SSBP2: variants seen among roughly 807,000 people sequenced by gnomAD.
SSBP2 encodes single stranded DNA binding protein 2.
A neutral mutation model predicts 61.8 loss-of-function variants in SSBP2; 17 were observed. The observed-to-expected ratio is 0.28, with a 90% CI of 0.19 to 0.41. SSBP2 has a LOEUF of 0.41. Ranked by LOEUF, SSBP2 falls within the 10% of genes least tolerant of loss-of-function variation. SSBP2 has a pLI of 1.00. For missense variants in SSBP2, 310 were observed against 458.7 expected (o/e 0.68, Z 2.96); for synonymous variants, 139 against 141.3 (o/e 0.98, Z 0.12).
At chr5:81,719,057 C>G (rs567228679) in intron 1 of SSBP2, among the ~76,000 whole-genome samples, 74 of 152,234 alleles carry the variant, frequency 4.9e-4, no homozygotes, top group African/African-American at 1.8e-3. Context: ...TAGAATTATA[C>G]AGTATCACTC....
chr5:81,444,439 C>G (rs1022163916), intron 12 of SSBP2, among the ~76,000 whole-genome samples: 1 of 152,120 alleles, frequency 6.6e-6, no homozygotes, highest in African/African-American at 2.4e-5. Context: ...ATGAGTGCTC[C>G]CCTCCCACTG....
At chr5:81,640,873 A>G (rs1343116525) in intron 2 of SSBP2, among the ~76,000 whole-genome samples, 1 of 152,188 alleles carries the variant, frequency 6.6e-6, no homozygotes, top group Non-Finnish European at 1.5e-5. Context: ...AGAACATAAG[A>G]ATAAATAAAC....
In SSBP2 at chr5:81,421,367, A is replaced by AT. The variant is rs546358433; in HGVS notation, c.1057-835dup. Among the ~76,000 whole-genome samples the AT allele has an allele frequency of 3.0e-4, 46 of 152,066 alleles. No individual in the cohort carries two copies. In the East Asian group the frequency reaches 8.5e-3, roughly 28 times the overall value. ...GCCACCATGCATGGCTAATTTTTGT[A>AT]TTTTTTGTAGAGATGGGGTTTCACC... On this transcript the variant is annotated intron_variant, in intron 16 of 16. Transcript: ENST00000320672.
chr5:81,456,698 T>A (rs570361867), intron 10 of SSBP2, among the ~76,000 whole-genome samples: 1 of 152,256 alleles, frequency 6.6e-6, no homozygotes, highest in South Asian at 2.1e-4. Context: ...AAATTAAAAA[T>A]TAAAATCGTA....
intron 1 of SSBP2, among the ~76,000 whole-genome samples, chr5:81,730,875 C>A (rs1561738030): frequency 6.6e-6 from 1 of 152,142 alleles, no homozygotes; most frequent in Non-Finnish European, 1.5e-5. Flanking sequence ...ATATTCTTCA[C>A]TAAAAACGTA....
At chr5:81,714,895 C>G (rs1342467348) in intron 1 of SSBP2, among the ~76,000 whole-genome samples, 2 of 151,978 alleles carry the variant, frequency 1.3e-5, no homozygotes, top group Non-Finnish European at 2.9e-5. Context: ...GGGATCTAAT[C>G]AAACTAAAGA....
intron 4 of SSBP2, among the ~76,000 whole-genome samples, chr5:81,514,499 T>A (rs111787369): frequency 2.6e-5 from 4 of 152,104 alleles, no homozygotes; most frequent in Non-Finnish European, 5.9e-5. Context: ...CAGTTATACA[T>A]ACAACTGTTC....
intron 4 of SSBP2, among the ~76,000 whole-genome samples, chr5:81,574,515 G>GA (rs1288552345): frequency 9.9e-5 from 15 of 151,962 alleles, no homozygotes; most frequent in African/African-American, 3.1e-4. Flanking sequence ...TATAATATTT[G>GA]AAGACATAAT....
intron 4 of SSBP2, among the ~76,000 whole-genome samples, chr5:81,602,229 A>G (rs1447553454): frequency 6.6e-6 from 1 of 152,130 alleles, no homozygotes; most frequent in Non-Finnish European, 1.5e-5. Context: ...CCTCTTTTCA[A>G]TGTGTGTTGT....
In SSBP2 at chr5:81,418,306, G is replaced by C. The variant is rs970182498; in HGVS notation, c.*2198C>G. Reference sequence around the variant, plus strand: ...GCTTGACAGCATGAGGCTGTTCTCCGGTGTGCACTCCTAGGCACCTGAATA... The same window carrying C: ...GCTTGACAGCATGAGGCTGTTCTCCCGTGTGCACTCCTAGGCACCTGAATA... On this transcript the variant is annotated 3_prime_UTR_variant, in exon 17 of 17. Transcript: ENST00000320672. 6.6e-6 allele frequency: 1 copy of C among 152,196 alleles called. No individual in the cohort carries two copies. The highest frequency in any genetic ancestry group is 1.5e-5 in the Non-Finnish European group (1 of 68,026). The allele number at this position is 152,196 out of a possible 1,614,324, so 9.4% of individuals were successfully genotyped here. A position where few individuals can be genotyped will look rare whatever the true frequency, so the allele number is the denominator to read the frequency against.
In SSBP2 at chr5:81,452,168, A is replaced by T. The variant is rs75574168; in HGVS notation, c.688-3343T>A. On this transcript the variant is annotated intron_variant, in intron 10 of 16. Coordinates refer to ENST00000320672, the MANE Select transcript of SSBP2 (RefSeq NM_012446.5). Reference sequence around the variant, plus strand: ...ATATAGCTGCTATAGTGTGGGGCTTATAGGGGGTTGTGGTAAAGGGTGAGG... The same window carrying T: ...ATATAGCTGCTATAGTGTGGGGCTTTTAGGGGGTTGTGGTAAAGGGTGAGG... 9.1e-3 allele frequency among the ~76,000 whole-genome samples: 1,383 copies of T among 152,320 alleles called. 20 individuals carry two copies. The highest frequency in any genetic ancestry group is 0.031 in the African/African-American group (1,302 of 41,572).
At chr5:81,494,394 G>T (rs1009438951) in intron 5 of SSBP2, among the ~76,000 whole-genome samples, 4 of 152,188 alleles carry the variant, frequency 2.6e-5, no homozygotes, top group African/African-American at 9.7e-5. Flanking sequence ...GCTACGGACT[G>T]AATGTTTATG....
intron 2 of SSBP2, among the ~76,000 whole-genome samples, chr5:81,646,107 T>C (rs760279997): frequency 6.6e-6 from 1 of 152,242 alleles, no homozygotes. Flanking sequence ...GTTCAGATAA[T>C]GCCTGGAGTT....
At chr5:81,476,059 T>C (rs538801363) in intron 6 of SSBP2, among the ~76,000 whole-genome samples, 106 of 152,212 alleles carry the variant, frequency 7.0e-4, no homozygotes, top group Non-Finnish European at 1.3e-3. Context: ...GCATTTGCCT[T>C]ATCAGCCTTT....
At chr5:81,703,318 A>T (rs781757647) in intron 1 of SSBP2, among the ~76,000 whole-genome samples, 3 of 152,178 alleles carry the variant, frequency 2.0e-5, no homozygotes, top group Non-Finnish European at 4.4e-5. Flanking sequence ...GGACACACAG[A>T]CAGTGCCAGC....
At chr5:81,596,354 G>C (rs1049249760) in intron 4 of SSBP2, among the ~76,000 whole-genome samples, 6 of 137,318 alleles carry the variant, frequency 4.4e-5, no homozygotes, top group African/African-American at 1.4e-4. Flanking sequence ...CAAACAAATG[G>C]AAGAACATTC....
chr5:81,461,607 G>A (rs766116633), intron 9 of SSBP2, among the ~76,000 whole-genome samples: 20 of 151,224 alleles, frequency 1.3e-4, no homozygotes, highest in Non-Finnish European at 2.2e-4. Context: ...AAAAACCACA[G>A]AGTATCACAC....
At chr5:81,720,540 T>G (rs1231351548) in intron 1 of SSBP2, among the ~76,000 whole-genome samples, 1 of 152,230 alleles carries the variant, frequency 6.6e-6, no homozygotes, top group Non-Finnish European at 1.5e-5. Context: ...TTTAAATGTT[T>G]GCATAAAATT....
chr5:81,475,231 A>G (rs904033164), intron 6 of SSBP2, among the ~76,000 whole-genome samples: 1 of 152,186 alleles, frequency 6.6e-6, no homozygotes, highest in African/African-American at 2.4e-5. Context: ...TACTGATCTT[A>G]AGTATATAAG....
Sources: gnomAD v4.1 joint callset for allele counts (sites outside exome capture counted in the v4.1 genomes callset) on GRCh38, gnomAD v4.1.1 for gene constraint, MANE v1.5 for transcripts, NCBI Gene and HGNC (gene_info 2026-07-23, HGNC 2026-07-21) for gene names.